DLG2: variants seen among roughly 807,000 people sequenced by gnomAD.
DLG2 encodes the protein discs large MAGUK scaffold protein 2.
A neutral mutation model predicts 132.5 loss-of-function variants in DLG2; 45 were observed. The ratio of observed to expected loss-of-function variants is 0.34; its 90% confidence interval spans 0.27 to 0.44. DLG2 has a LOEUF of 0.44. Ranked by LOEUF, DLG2 falls within the 20% of genes least tolerant of loss-of-function variation. The probability of loss-of-function intolerance (pLI) is 1.00; values close to 1 mark genes in which losing one functional copy is unlikely to be tolerated. For synonymous variants in DLG2, 424 were observed against 419.6 expected, an observed-to-expected ratio of 1.01 and a Z score of -0.13; for missense variants, 1,045 against 1,196.9, an observed-to-expected ratio of 0.87 and a Z score of 1.87.
intron 6 of DLG2, among the ~76,000 whole-genome samples, chr11:84,817,729 G>A (rs953158549): frequency 5.3e-5 from 8 of 151,938 alleles, no homozygotes; most frequent in African/African-American, 1.9e-4. Flanking sequence ...GGGTGAAGAC[G>A]ATTACTTTGG....
intron 3 of DLG2, among the ~76,000 whole-genome samples, chr11:85,303,675 T>C (rs1207142680): frequency 6.6e-6 from 1 of 152,192 alleles, no homozygotes; most frequent in Non-Finnish European, 1.5e-5. Flanking sequence ...TCTGTGTGCG[T>C]ATGCAGTATG....
intron 6 of DLG2, among the ~76,000 whole-genome samples, chr11:84,666,747 CAG>C (rs1278495675): frequency 6.6e-6 from 1 of 151,930 alleles, no homozygotes; most frequent in African/African-American, 2.4e-5. Context: ...ATCACACACT[CAG>C]AAATTTTTTT....
intron 15 of DLG2, among the ~76,000 whole-genome samples, chr11:83,882,748 A>C (rs2066629246): frequency 6.6e-6 from 1 of 152,250 alleles, no homozygotes; most frequent in African/African-American, 2.4e-5. Context: ...CTAACAAGTC[A>C]ATAACTGGTT....
intron 6 of DLG2, among the ~76,000 whole-genome samples, chr11:84,863,722 TA>T (rs2084114366): frequency 6.6e-6 from 1 of 151,992 alleles, no homozygotes; most frequent in Admixed American, 6.6e-5. Context: ...ATACAGTTAA[TA>T]AAATAAAAGA....
chr11:84,377,113 A>G (rs1248804467), intron 7 of DLG2, among the ~76,000 whole-genome samples: 1 of 152,112 alleles, frequency 6.6e-6, no homozygotes, highest in African/African-American at 2.4e-5. Context: ...TGTAATACAA[A>G]TTACATGCAC....
At chr11:85,021,386 C>T in intron 6 of DLG2, 1 of 1,353,616 alleles carries the variant, frequency 7.4e-7, no homozygotes, top group South Asian at 1.2e-5. Flanking sequence ...CCTCGGTTCA[C>T]TTTTGGCACT....
At chr11:83,600,167 G>C (rs2153369364) in intron 19 of DLG2, among the ~76,000 whole-genome samples, 1 of 151,946 alleles carries the variant, frequency 6.6e-6, no homozygotes, top group South Asian at 2.1e-4. Context: ...ATGATAGAGA[G>C]ATTATTCACA....
chr11:84,093,132 G>C (rs1031566770), intron 10 of DLG2, among the ~76,000 whole-genome samples: 1 of 152,206 alleles, frequency 6.6e-6, no homozygotes, highest in African/African-American at 2.4e-5. Context: ...CTCACTATTG[G>C]TGTATGTCAT....
intron 18 of DLG2, among the ~76,000 whole-genome samples, chr11:83,743,433 T>TCTTTTC (rs546782147): frequency 3.1e-5 from 4 of 127,566 alleles, no homozygotes; most frequent in African/African-American, 9.5e-5. Flanking sequence ...CAGGCCATTT[T>TCTTTTC]TTTTTTTTTT....
At chr11:85,447,871 C>T (rs2092079091) in intron 3 of DLG2, among the ~76,000 whole-genome samples, 1 of 152,078 alleles carries the variant, frequency 6.6e-6, no homozygotes, top group Admixed American at 6.5e-5. Context: ...ATGAGATAGA[C>T]AGAAAAGGCA....
chr11:83,840,552 G>C (rs2057315870), intron 16 of DLG2, among the ~76,000 whole-genome samples: 1 of 152,170 alleles, frequency 6.6e-6, no homozygotes, highest in Admixed American at 6.5e-5. Flanking sequence ...CATCTAAAAG[G>C]GGGCTGCTGC....
chr11:83,936,425 G>A (rs1248042725), intron 14 of DLG2, among the ~76,000 whole-genome samples: 6 of 152,118 alleles, frequency 3.9e-5, no homozygotes, highest in African/African-American at 1.4e-4. Flanking sequence ...ATAATGGTTT[G>A]CTTTCCCGTA....
intron 20 of DLG2, among the ~76,000 whole-genome samples, chr11:83,539,481 G>GGT (rs1407768309): frequency 5.9e-5 from 9 of 151,844 alleles, no homozygotes; most frequent in African/African-American, 1.9e-4. Context: ...CTCTTTGTGG[G>GGT]GTAGAATTGT....
intron 8 of DLG2, among the ~76,000 whole-genome samples, chr11:84,223,685 T>G (rs2096948910): frequency 6.6e-6 from 1 of 151,964 alleles, no homozygotes; most frequent in Non-Finnish European, 1.5e-5. Context: ...GCCTCCCAAG[T>G]AGCTGGGACT....
intron 3 of DLG2, among the ~76,000 whole-genome samples, chr11:85,517,567 A>G (rs2094193739): frequency 2.6e-5 from 4 of 152,298 alleles, no homozygotes; most frequent in African/African-American, 7.2e-5. Context: ...GTAAATGTTC[A>G]GGATACAAAA....
At chr11:85,127,615 T>C (rs1236113956) in intron 5 of DLG2, among the ~76,000 whole-genome samples, 1 of 152,120 alleles carries the variant, frequency 6.6e-6, no homozygotes, top group Non-Finnish European at 1.5e-5. Flanking sequence ...AATATATACT[T>C]GTTAGATTAA....
chr11:84,030,319 T>A (rs1167532289), intron 11 of DLG2, among the ~76,000 whole-genome samples: 3 of 152,138 alleles, frequency 2.0e-5, no homozygotes, highest in Non-Finnish European at 4.4e-5. Context: ...TAAAATGGCA[T>A]CTTAAATATA....
chr11:85,430,461 G>T (rs1398158831), intron 3 of DLG2, among the ~76,000 whole-genome samples: 1 of 151,922 alleles, frequency 6.6e-6, no homozygotes, highest in East Asian at 1.9e-4. Flanking sequence ...TATAATAGCA[G>T]TCTAGGTACA....
rs1172860585 is a variant in DLG2 at position 84,896,874 on chromosome 11, G to GA, written c.357+214786dup. 8.2e-3 allele frequency among the ~76,000 whole-genome samples: 1,202 copies of GA among 146,956 alleles called. 20 individuals carry two copies. The highest frequency in any genetic ancestry group is 0.028 in the African/African-American group (1,130 of 40,286). On this transcript the variant is annotated intron_variant, in intron 6 of 27. Transcript: ENST00000376104. ...ACAAGTATGTATGTATGCATAGCTGGAAAAAAAAAACATAGTCTATTCAGG... is the reference window on the plus strand; with the variant it reads ...ACAAGTATGTATGTATGCATAGCTGGAAAAAAAAAAACATAGTCTATTCAGG...
Sources: allele counts gnomAD v4.1 joint callset (sites outside exome capture counted in the v4.1 genomes callset), GRCh38; gene constraint gnomAD v4.1.1; transcripts MANE v1.5; gene names NCBI Gene and HGNC (gene_info 2026-07-23, HGNC 2026-07-21).